The following HERC4 variants were observed in gnomAD, a reference collection of about 807,000 sequenced individuals.
HERC4 encodes HECT and RLD domain containing E3 ubiquitin protein ligase 4, also known as probable E3 ubiquitin-protein ligase HERC4.
A neutral mutation model predicts 124.3 loss-of-function variants in HERC4; 28 were observed. The observed-to-expected ratio is 0.23, with a 90% CI of 0.17 to 0.31. The LOEUF (loss-of-function observed/expected upper bound fraction) is 0.31. HERC4 is among the 10% of genes least tolerant of loss of function. HERC4 has a pLI of 1.00. For synonymous variants in HERC4, 407 were observed against 421.5 expected (o/e 0.97, Z 0.42); for missense variants, 713 against 1,229.3 (o/e 0.58, Z 6.28).
At chr10:67,965,570 CT>C (rs1356239163) in intron 16 of HERC4, 3 of 152,198 alleles carry the variant, frequency 2.0e-5, no homozygotes, top group Non-Finnish European at 4.4e-5. Context: ...TAGAAGCAAC[CT>C]GATTCCGGAA....
intron 15 of HERC4, among the ~76,000 whole-genome samples, chr10:67,968,222 GC>G (rs1339557836): frequency 1.3e-5 from 2 of 152,004 alleles, no homozygotes; most frequent in East Asian, 3.8e-4. Context: ...AGAGGACGAA[GC>G]CCCAAAATCT....
chr10:67,998,026 G>A (rs1048437852), intron 9 of HERC4, among the ~76,000 whole-genome samples: 21 of 151,984 alleles, frequency 1.4e-4, no homozygotes, highest in Admixed American at 6.6e-5. Flanking sequence ...AGCCTCTGGA[G>A]TAGCTGGGAC....
At chr10:67,940,240 T>C (rs2032762739) in intron 20 of HERC4, among the ~76,000 whole-genome samples, 2 of 152,094 alleles carry the variant, frequency 1.3e-5, no homozygotes, top group Admixed American at 1.3e-4. Context: ...TGTCCTAACT[T>C]ATATAAAATT....
At chr10:68,038,239 GTTAT>G (rs2039578939) in intron 4 of HERC4, 70 bp from the exon 5 acceptor site, 10 of 718,024 alleles carry the variant, frequency 1.4e-5, no homozygotes, top group Middle Eastern at 2.9e-4. Flanking sequence ...TGCTATTTAT[GTTAT>G]TTATTGATGG....
At chr10:68,034,757 ACATC>A (rs944011989) in intron 5 of HERC4, among the ~76,000 whole-genome samples, 5 of 152,060 alleles carry the variant, frequency 3.3e-5, no homozygotes, top group African/African-American at 1.2e-4. Context: ...TTGGTAAGTA[ACATC>A]CTAAGTGACT....
chr10:68,022,788 A>G (rs926246617), intron 8 of HERC4, among the ~76,000 whole-genome samples: 5 of 151,974 alleles, frequency 3.3e-5, no homozygotes, highest in Non-Finnish European at 5.9e-5. Context: ...AATATCTGAT[A>G]AGGGATTAGT....
intron 3 of HERC4, among the ~76,000 whole-genome samples, chr10:68,061,508 G>C (rs1162062866): frequency 7.0e-6 from 1 of 143,500 alleles, no homozygotes; most frequent in Non-Finnish European, 1.5e-5. Context: ...ACTCCAGCCT[G>C]GGCGACAGAG....
chr10:67,960,631 C>G (rs1260113535), intron 16 of HERC4: 1 of 158,864 alleles, frequency 6.3e-6, no homozygotes, highest in Non-Finnish European at 1.4e-5. Flanking sequence ...GATCTGCCCA[C>G]CTCAGCCTCC....
At chr10:68,044,750 C>A (rs2039934433) in intron 3 of HERC4, among the ~76,000 whole-genome samples, 187 bp from the exon 4 acceptor site, 1 of 151,720 alleles carries the variant, frequency 6.6e-6, no homozygotes, top group African/African-American at 2.4e-5. Flanking sequence ...AAATATGTTC[C>A]AAACGTAATT....
chr10:68,027,008 A>T (rs2038937513), intron 7 of HERC4, among the ~76,000 whole-genome samples: 1 of 152,186 alleles, frequency 6.6e-6, no homozygotes, highest in Non-Finnish European at 1.5e-5. Flanking sequence ...CAAAACAAAC[A>T]AACAAAAAAA....
rs551935377 is a variant in HERC4, at chr10:67,972,250, G to A, written c.1807-5448C>T. Among the ~76,000 whole-genome samples, 258 of 146,108 alleles carry A rather than the reference G, an allele frequency of 1.8e-3. 1 individual carries two copies. Among genetic ancestry groups the A allele is most frequent in the Non-Finnish European group, 3.1e-3 (209 of 66,714 alleles). ...AAAAAAAAAAAAAAAGGCCAGGCAC[G>A]GTGGCTCACACCGGTAATCCCAGCA... is the stretch of plus-strand genomic sequence containing the variant. On this transcript the variant is annotated intron_variant, in intron 15 of 24. Transcript: ENST00000373700.
chr10:67,968,215 G>A (rs2035007338), intron 15 of HERC4, among the ~76,000 whole-genome samples: 1 of 152,058 alleles, frequency 6.6e-6, no homozygotes, highest in South Asian at 2.1e-4. Context: ...GGAATCCAGA[G>A]GACGAAGCCC....
chr10:68,032,896 T>C, intron 6 of HERC4, 27 bp from the exon 7 acceptor site: 3 of 1,197,414 alleles, frequency 2.5e-6, no homozygotes, highest in South Asian at 1.2e-5. Context: ...GAGATGTTAA[T>C]AGTATTTTAA....
chr10:68,050,150 T>C (rs2040224037), intron 3 of HERC4, among the ~76,000 whole-genome samples: 1 of 151,916 alleles, frequency 6.6e-6, no homozygotes, highest in African/African-American at 2.4e-5. Context: ...CAAGACTGCA[T>C]CACTGCACTC....
intron 15 of HERC4, among the ~76,000 whole-genome samples, chr10:67,980,093 A>T (rs1413318036): frequency 6.6e-6 from 1 of 152,160 alleles, no homozygotes; most frequent in African/African-American, 2.4e-5. Context: ...TCCAGTGAAA[A>T]TATCCTTCAA....
At chr10:67,955,760 A>C (rs1461124931) in intron 17 of HERC4, 2 of 152,238 alleles carry the variant, frequency 1.3e-5, no homozygotes, top group South Asian at 2.1e-4. Context: ...GACAAGAGCG[A>C]AACTCCGTCT....
intron 16 of HERC4, chr10:67,964,777 TTC>T: frequency 6.6e-6 from 1 of 152,554 alleles, no homozygotes; most frequent in Non-Finnish European, 1.5e-5. Flanking sequence ...CTTTCTTTCT[TTC>T]TTTTTTTTTT....
intron 3 of HERC4, among the ~76,000 whole-genome samples, chr10:68,061,532 CAAAA>C (rs59169970): frequency 1.0e-3 from 14 of 13,986 alleles, no homozygotes; most frequent in Admixed American, 1.9e-3. Flanking sequence ...GACTCCGTCT[CAAAA>C]AAAAAAAAAA....
chr10:67,960,866 C>T, intron 16 of HERC4: 1 of 294,236 alleles, frequency 3.4e-6, no homozygotes, highest in Non-Finnish European at 6.5e-6. Context: ...CAAGGACAAG[C>T]ATGGAGAGGA....
Sources: allele counts gnomAD v4.1 joint callset (sites outside exome capture counted in the v4.1 genomes callset), GRCh38; gene constraint gnomAD v4.1.1; transcripts MANE v1.5; gene names NCBI Gene and HGNC (gene_info 2026-07-23, HGNC 2026-07-21).